Variants in ATP9B observed in about 807,000 individuals in gnomAD.
ATP9B encodes the protein probable phospholipid-transporting ATPase IIB.
ATP9B carries 110 observed loss-of-function variants against 146.1 expected under a neutral mutation model. The observed-to-expected ratio is 0.75, with a 90% confidence interval of 0.65 to 0.88. ATP9B has a LOEUF of 0.88. ATP9B is among the 40% of genes least tolerant of loss of function. The probability of loss-of-function intolerance (pLI) is 0.00; values close to 1 mark genes in which losing one functional copy is unlikely to be tolerated. For synonymous variants in ATP9B, 604 were observed against 569.7 expected, an observed-to-expected ratio of 1.06 and a Z score of -0.86; for missense variants, 1,499 against 1,496.4, an observed-to-expected ratio of 1.00 and a Z score of -0.03.
chr18:79,344,771 A>G (rs2096877061), intron 21 of ATP9B, among the ~76,000 whole-genome samples: 1 of 152,182 alleles, frequency 6.6e-6, no homozygotes, highest in Admixed American at 6.5e-5. Context: ...GAGAGCCTGC[A>G]AGTGCTGCAG....
chr18:79,349,047 A>G (rs2096907987), intron 25 of ATP9B, among the ~76,000 whole-genome samples: 1 of 152,238 alleles, frequency 6.6e-6, no homozygotes, highest in Admixed American at 6.5e-5. Context: ...CAGGCATGCG[A>G]CGTGCATTGA....
chr18:79,246,376 A>T (rs1298720658), intron 11 of ATP9B, among the ~76,000 whole-genome samples: 12 of 151,772 alleles, frequency 7.9e-5, no homozygotes, highest in African/African-American at 2.9e-4. Flanking sequence ...TGAGGAGGGC[A>T]CCGCCCTACT....
At chr18:79,143,954 G>T in intron 6 of ATP9B, 94 bp downstream of exon 6, 1 of 715,162 alleles carries the variant, frequency 1.4e-6, no homozygotes, top group South Asian at 2.8e-5. Flanking sequence ...AAGAAATTGA[G>T]ACATGTATTT....
chr18:79,234,621 G>C (rs1568460647), intron 11 of ATP9B, among the ~76,000 whole-genome samples: 1 of 151,034 alleles, frequency 6.6e-6, no homozygotes, highest in East Asian at 2.0e-4. Flanking sequence ...CTGTGGGCCT[G>C]CTTGCTGTGG....
At chr18:79,355,711 C>G (rs1203860001) in intron 25 of ATP9B, among the ~76,000 whole-genome samples, 1 of 152,106 alleles carries the variant, frequency 6.6e-6, no homozygotes, top group Non-Finnish European at 1.5e-5. Context: ...TAGGAACTTA[C>G]TTGAAGGAAT....
intron 15 of ATP9B, chr18:79,307,541 C>T (rs1048047888): frequency 5.1e-5 from 16 of 316,236 alleles, no homozygotes; most frequent in Non-Finnish European, 6.5e-5. Context: ...TAATTTGTGT[C>T]AAAGCTGCAT....
At chr18:79,171,712 C>A (rs533890339) in intron 7 of ATP9B, among the ~76,000 whole-genome samples, 3 of 152,158 alleles carry the variant, frequency 2.0e-5, no homozygotes, top group African/African-American at 4.8e-5. Flanking sequence ...AGAACTGTTG[C>A]ACCACCGTGA....
chr18:79,140,286 A>G (rs1295625767), intron 5 of ATP9B, among the ~76,000 whole-genome samples: 1 of 152,148 alleles, frequency 6.6e-6, no homozygotes, highest in Non-Finnish European at 1.5e-5. Context: ...ATATTTTTTG[A>G]TACAAATATG....
chr18:79,199,846 C>G (rs2095450511), intron 9 of ATP9B, among the ~76,000 whole-genome samples: 1 of 152,016 alleles, frequency 6.6e-6, no homozygotes, highest in South Asian at 2.1e-4. Context: ...TCACTGTCTC[C>G]TCCTACACAT....
intron 15 of ATP9B, among the ~76,000 whole-genome samples, chr18:79,310,270 T>A (rs2096645559): frequency 6.6e-6 from 1 of 152,234 alleles, no homozygotes; most frequent in South Asian, 2.1e-4. Context: ...AGTACGGGGC[T>A]TGCAGCACTG....
chr18:79,177,800 A>G (rs1222114609), intron 8 of ATP9B, among the ~76,000 whole-genome samples: 1 of 152,176 alleles, frequency 6.6e-6, no homozygotes. Context: ...AAATTGTCCA[A>G]GCTGCTTCTC....
chr18:79,354,751 G>C (rs1353225649), intron 25 of ATP9B, among the ~76,000 whole-genome samples: 10 of 152,124 alleles, frequency 6.6e-5, no homozygotes, highest in Non-Finnish European at 1.5e-4. Flanking sequence ...GGCGGCAGGA[G>C]CTCCCCGGGT....
chr18:79,106,054 A>G (rs1190534493), intron 2 of ATP9B, among the ~76,000 whole-genome samples: 1 of 152,166 alleles, frequency 6.6e-6, no homozygotes, highest in Non-Finnish European at 1.5e-5. Flanking sequence ...TTATGATTTG[A>G]TTATAGAGGC....
intron 25 of ATP9B, chr18:79,352,939 TCAGA>T (rs1184176999): frequency 1.3e-5 from 2 of 152,340 alleles, no homozygotes; most frequent in South Asian, 2.1e-4. Flanking sequence ...AACTCAACGA[TCAGA>T]CAGACAACTC....
chr18:79,243,382 C>T (rs1242949713), intron 11 of ATP9B, among the ~76,000 whole-genome samples: 1 of 152,208 alleles, frequency 6.6e-6, no homozygotes, highest in Non-Finnish European at 1.5e-5. Flanking sequence ...TTTAGTCATA[C>T]GTCTTGTCAA....
chr18:79,296,699 T>C (rs1458439087), intron 13 of ATP9B, among the ~76,000 whole-genome samples: 2 of 152,232 alleles, frequency 1.3e-5, no homozygotes, highest in Non-Finnish European at 2.9e-5. Flanking sequence ...CACCCTTGTT[T>C]CATAAATTAG....
chr18:79,272,468 C>G (rs939615078), intron 12 of ATP9B, among the ~76,000 whole-genome samples: 2 of 151,670 alleles, frequency 1.3e-5, no homozygotes, highest in African/African-American at 4.8e-5. Context: ...CCACTGAATC[C>G]TGCACGGATA....
At position 79,342,385 on chromosome 18, in the gene ATP9B, C is replaced by G; in HGVS notation, c.2382+19C>G. ...CAGACAGGTAAGTATGTATCTTAAT[C>G]ACTTTGAATTTTTAAACATTTGTCT... On this transcript the variant is annotated intron_variant, in intron 20 of 29. Coordinates refer to ENST00000426216, the MANE Select transcript of ATP9B (RefSeq NM_198531.5). 1.3e-6 allele frequency: 2 copies of G among 1,548,212 alleles called. No homozygotes were observed. The highest frequency in any genetic ancestry group is 2.3e-5 in the South Asian group (2 of 87,842).
intron 11 of ATP9B, among the ~76,000 whole-genome samples, chr18:79,231,155 A>G (rs2095787925): frequency 6.6e-6 from 1 of 152,114 alleles, no homozygotes; most frequent in Admixed American, 6.5e-5. Flanking sequence ...TAGACGCGAC[A>G]TAAACTAAAA....
Sources: allele counts gnomAD v4.1 joint callset (sites outside exome capture counted in the v4.1 genomes callset), GRCh38; gene constraint gnomAD v4.1.1; transcripts MANE v1.5; gene names NCBI Gene and HGNC (gene_info 2026-07-23, HGNC 2026-07-21).